The following FAM53A variants were observed in gnomAD, a reference collection of about 807,000 sequenced individuals.
FAM53A encodes family with sequence similarity 53 member A.
FAM53A carries 28 observed loss-of-function variants against 26.6 expected under a neutral mutation model. The ratio of observed to expected loss-of-function variants is 1.05; its 90% CI spans 0.78 to 1.45. The LOEUF is 1.45. Among genes scored for constraint, FAM53A ranks in the 40% most tolerant of loss-of-function variants. The pLI is 0.00. For missense variants in FAM53A, 650 were observed against 575.8 expected (o/e 1.13, Z -1.32); for synonymous variants, 290 against 253.1 (o/e 1.15, Z -1.38).
intron 4 of FAM53A, among the ~76,000 whole-genome samples, chr4:1,649,876 T>G (rs373086039): frequency 6.9e-6 from 1 of 143,906 alleles, no homozygotes; most frequent in African/African-American, 2.6e-5. Context: ...ACAGGCGTGG[T>G]GTTTGTGAGG....
chr4:1,626,553 C>A (rs1867929), intron 1 of FAM53A, among the ~76,000 whole-genome samples: 19,230 of 150,602 alleles, frequency 0.13, 1,327 homozygotes, highest in African/African-American at 0.22. Flanking sequence ...TGCCCTGAGC[C>A]CGGGGGGACC....
At chr4:1,631,304 G>A (rs2108774632) in intron 1 of FAM53A, among the ~76,000 whole-genome samples, 1 of 152,356 alleles carries the variant, frequency 6.6e-6, no homozygotes, top group East Asian at 1.9e-4. Flanking sequence ...GGCCTGCTGT[G>A]GGCAGCAAAG....
At chr4:1,616,098 G>T (rs1201546455), downstream of FAM53A, among the ~76,000 whole-genome samples, 2 of 152,216 alleles carry the variant, frequency 1.3e-5, no homozygotes, top group Non-Finnish European at 2.9e-5. Context: ...AGGTTCTGGT[G>T]CAGGAAATCA....
chr4:1,650,918 T>C (rs139568142), intron 4 of FAM53A, among the ~76,000 whole-genome samples: 114 of 151,854 alleles, frequency 7.5e-4, no homozygotes, highest in African/African-American at 2.6e-3. Flanking sequence ...CACTCGGGCA[T>C]TGATATCAAG....
At chr4:1,585,893 TTG>T in the FAM53A span, among the ~76,000 whole-genome samples, 21 of 151,142 alleles carry the variant, frequency 1.4e-4, no homozygotes, top group Admixed American at 2.6e-4. Context: ...CCTGGCTAAT[TTG>T]TGTGTGTGTG....
At chr4:1,614,047 C>CCA (rs1714718316), downstream of FAM53A, among the ~76,000 whole-genome samples, 1 of 152,204 alleles carries the variant, frequency 6.6e-6, no homozygotes, top group African/African-American at 2.4e-5. Flanking sequence ...GGTATGCTCA[C>CCA]GCGACCAGCC....
chr4:1,621,581 C>A (rs563566295), intron 1 of FAM53A, among the ~76,000 whole-genome samples: 1 of 152,120 alleles, frequency 6.6e-6, no homozygotes, highest in Non-Finnish European at 1.5e-5. Context: ...GCCTCCACAG[C>A]GGGGAGCGAA....
intron 1 of FAM53A, among the ~76,000 whole-genome samples, chr4:1,634,072 G>GT (rs1715731940): frequency 6.6e-6 from 1 of 152,156 alleles, no homozygotes; most frequent in African/African-American, 2.4e-5. Context: ...TGAGTAGCAG[G>GT]TGGCAGAGGG....
intron 1 of FAM53A, among the ~76,000 whole-genome samples, chr4:1,674,749 G>C (rs1319121856): frequency 4.6e-5 from 7 of 152,154 alleles, no homozygotes; most frequent in Admixed American, 4.6e-4. Flanking sequence ...TAGGGGTGCA[G>C]ACTTGAACAT....
Position 1,655,619 on chromosome 4 carries a change from T to C in FAM53A, c.241A>G (p.Thr81Ala). 6.3e-7 allele frequency: 1 copy of C among 1,595,214 alleles called. No individual in the cohort carries two copies. Among genetic ancestry groups the C allele is most frequent in the Non-Finnish European group, 8.5e-7 (1 of 1,171,328 alleles). The change falls in exon 4 of 5, where the codon ACC becomes GCC. Residue 81 changes from threonine to alanine, a missense_variant. Physicochemically the swap from Thr to Ala is moderately conservative, Grantham distance 58 (BLOSUM62 0). Coordinates refer to ENST00000308132, the MANE Select transcript of FAM53A (RefSeq NM_001174070.3). ...FLPGLSAAAH[T>A]MGLQWQPQSP... ...TGTGGCTGCCACTGAAGACCCATGG[T>C]GTGAGCGGCAGCAGACAGGCCCGGC...
At position 1,647,180 on chromosome 4, in the gene FAM53A, C is replaced by A. The variant is rs376864206; in HGVS notation, c.883-5573G>T. ...TGAAACCCCCTCTCTACTAAAAATA[C>A]AAAAAATTAGCCAGGCATGGTGGCA... is the stretch of plus-strand genomic sequence containing the variant. On this transcript the variant is annotated intron_variant, in intron 4 of 4. Transcript: ENST00000308132. Among the ~76,000 whole-genome samples, 3 of 151,828 alleles carry A rather than the reference C, an allele frequency of 2.0e-5. No homozygotes were observed. The South Asian group carries it at 6.2e-4, about 32-fold the overall frequency.
chr4:1,638,745 C>T (rs1038532233), downstream of FAM53A, among the ~76,000 whole-genome samples: 1 of 149,172 alleles, frequency 6.7e-6, no homozygotes, highest in Admixed American at 6.7e-5. Context: ...TCCCACACAC[C>T]CAGGCCAGGC....
At chr4:1,577,930 CG>C in the FAM53A span, among the ~76,000 whole-genome samples, 1 of 48,972 alleles carries the variant, frequency 2.0e-5, no homozygotes. Flanking sequence ...TGAGGGGCTG[CG>C]GGGGTGCAGG....
At chr4:1,626,560 G>C (rs1201811655) in intron 1 of FAM53A, among the ~76,000 whole-genome samples, 1 of 148,406 alleles carries the variant, frequency 6.7e-6, no homozygotes, top group Non-Finnish European at 1.5e-5. Flanking sequence ...AGCCCGGGGG[G>C]ACCCGGGGAG....
At chr4:1,633,017 G>C (rs1408101815) in intron 1 of FAM53A, among the ~76,000 whole-genome samples, 1 of 132,032 alleles carries the variant, frequency 7.6e-6, no homozygotes, top group Non-Finnish European at 1.5e-5. Context: ...CACACGCATA[G>C]GTACACGCTC....
chr4:1,636,345 C>T (rs1287691373), downstream of FAM53A, among the ~76,000 whole-genome samples: 2 of 152,218 alleles, frequency 1.3e-5, no homozygotes, highest in Non-Finnish European at 2.9e-5. Context: ...TTTGAGTCTA[C>T]TTGACCGATT....
chr4:1,590,989 T>TATATATATATATATACACACACAC, the FAM53A span, among the ~76,000 whole-genome samples: 2 of 126,848 alleles, frequency 1.6e-5, no homozygotes, highest in African/African-American at 6.9e-5. Flanking sequence ...TATATATATA[T>TATATATATATATATACACACACAC]ATATATATAT....
chr4:1,623,292 G>A (rs988951669), intron 1 of FAM53A, among the ~76,000 whole-genome samples: 2 of 152,108 alleles, frequency 1.3e-5, no homozygotes, highest in Non-Finnish European at 1.5e-5. Context: ...CTCCGTCCTG[G>A]GCAGCACCTT....
the FAM53A span, among the ~76,000 whole-genome samples, chr4:1,597,899 C>T: frequency 2.6e-5 from 4 of 152,174 alleles, no homozygotes; most frequent in Non-Finnish European, 2.9e-5. Flanking sequence ...AGGAGGCTGA[C>T]GCAGGAGAAT....
Sources: allele counts gnomAD v4.1 joint callset (sites outside exome capture counted in the v4.1 genomes callset), GRCh38; gene constraint gnomAD v4.1.1; transcripts MANE v1.5; gene names NCBI Gene and HGNC (gene_info 2026-07-23, HGNC 2026-07-21).